The following MEGF10 variants were observed in gnomAD, a reference collection of about 807,000 sequenced individuals.
The protein encoded by MEGF10 is multiple epidermal growth factor-like domains protein 10.
MEGF10 carries 86 observed loss-of-function variants against 147.5 expected under a neutral mutation model. The ratio of observed to expected loss-of-function variants is 0.58; its 90% confidence interval spans 0.49 to 0.70. MEGF10 has a LOEUF of 0.70. Ranked by LOEUF, MEGF10 falls within the 30% of genes least tolerant of loss-of-function variation. MEGF10 has a pLI of 0.00. For synonymous variants in MEGF10, 478 were observed against 525.5 expected (o/e 0.91, Z 1.24); for missense variants, 1,329 against 1,487.3 (o/e 0.89, Z 1.75).
intron 1 of MEGF10, 55 bp downstream of exon 1, chr5:127,291,111 G>C (rs948515212): frequency 6.6e-6 from 1 of 152,240 alleles, no homozygotes; most frequent in Non-Finnish European, 1.5e-5. Context: ...CCGGACGCCG[G>C]AAGGCTTCTC....
chr5:127,286,381 C>T (rs891170787), upstream of MEGF10, among the ~76,000 whole-genome samples: 1 of 152,018 alleles, frequency 6.6e-6, no homozygotes. Context: ...CCCCTTGTAA[C>T]ATACTCTATG....
At chr5:127,325,654 G>A (rs150108074) in intron 1 of MEGF10, among the ~76,000 whole-genome samples, 66 of 151,946 alleles carry the variant, frequency 4.3e-4, no homozygotes, top group African/African-American at 1.5e-3. Flanking sequence ...GAGCTCCTTC[G>A]GGATAGCTCA....
At chr5:127,318,209 G>A (rs1353962099) in intron 1 of MEGF10, among the ~76,000 whole-genome samples, 2 of 152,124 alleles carry the variant, frequency 1.3e-5, no homozygotes, top group Non-Finnish European at 2.9e-5. Context: ...CACTGAATCT[G>A]CCAGCGCCTT....
At chr5:127,248,912 AT>A in the MEGF10 span, among the ~76,000 whole-genome samples, 4 of 150,858 alleles carry the variant, frequency 2.7e-5, no homozygotes, top group African/African-American at 9.8e-5. Context: ...AAAAAAAAAA[AT>A]TTAAATTAAT....
At chr5:127,359,223 G>A (rs549805793) in intron 4 of MEGF10, among the ~76,000 whole-genome samples, 10 of 152,092 alleles carry the variant, frequency 6.6e-5, no homozygotes, top group African/African-American at 2.4e-4. Flanking sequence ...CTCCAGTGAT[G>A]ACAGACTCTT....
chr5:127,390,860 C>T (rs532460655), intron 5 of MEGF10, among the ~76,000 whole-genome samples: 72 of 152,146 alleles, frequency 4.7e-4, no homozygotes, highest in Admixed American at 1.2e-3. Flanking sequence ...CTGTGCTTCA[C>T]CCCTTGCTAC....
At chr5:127,395,188 T>C (rs1763855369) in intron 5 of MEGF10, among the ~76,000 whole-genome samples, 1 of 152,162 alleles carries the variant, frequency 6.6e-6, no homozygotes, top group Admixed American at 6.5e-5. Context: ...ATACTAAGAG[T>C]AGATTTTGTT....
At chr5:127,341,529 C>T (rs115305616) in intron 4 of MEGF10, among the ~76,000 whole-genome samples, 292 of 152,220 alleles carry the variant, frequency 1.9e-3, no homozygotes, top group African/African-American at 6.5e-3. Context: ...ACCATTTATA[C>T]GTCTTGGAGG....
In MEGF10 at chr5:127,358,658, A is replaced by T. The variant is rs75378044; in HGVS notation, c.320-11252A>T. ...GCTGGTAAATAATTTGTCCCAAATGAAGGTACCTTCCTTCTGATTTCTTCC... is the reference window on the plus strand; with the variant it reads ...GCTGGTAAATAATTTGTCCCAAATGTAGGTACCTTCCTTCTGATTTCTTCC... On this transcript the variant is annotated intron_variant, in intron 4 of 24. Transcript: ENST00000503335. Among the ~76,000 whole-genome samples, 958 of 152,258 alleles carry T rather than the reference A, an allele frequency of 6.3e-3. 12 individuals carry two copies. Among genetic ancestry groups the T allele is most frequent in the African/African-American group, 0.022 (921 of 41,556 alleles).
chr5:127,303,353 A>G (rs925065391), intron 1 of MEGF10, among the ~76,000 whole-genome samples: 1 of 151,874 alleles, frequency 6.6e-6, no homozygotes, highest in South Asian at 2.1e-4. Context: ...AAAAAAAAAA[A>G]AAGCAATAAG....
intron 8 of MEGF10, among the ~76,000 whole-genome samples, chr5:127,403,199 G>T (rs552560953): frequency 2.4e-4 from 36 of 152,276 alleles, no homozygotes; most frequent in South Asian, 1.7e-3. Context: ...GCTCATGCGG[G>T]TCTTACTGCC....
chr5:127,245,953 C>T, the MEGF10 span, among the ~76,000 whole-genome samples: 5 of 152,130 alleles, frequency 3.3e-5, no homozygotes, highest in African/African-American at 1.2e-4. Context: ...AGTTAGGAAA[C>T]AACAGATGCT....
At chr5:127,260,091 A>T in the MEGF10 span, among the ~76,000 whole-genome samples, 2 of 152,136 alleles carry the variant, frequency 1.3e-5, no homozygotes, top group African/African-American at 4.8e-5. Context: ...TGGGAGGCAG[A>T]GGTTGCAGTG....
chr5:127,365,944 T>C (rs1289572263), intron 4 of MEGF10, among the ~76,000 whole-genome samples: 1 of 152,232 alleles, frequency 6.6e-6, no homozygotes, highest in East Asian at 1.9e-4. Flanking sequence ...TTTATATCTC[T>C]GCTACTGAAC....
rs372767788 is a variant in MEGF10 at position 127,457,249 on chromosome 5, C to G, written c.3354C>G (p.Asp1118Glu). The change falls in exon 25 of 25, where the codon GAC (aspartate) becomes GAG (glutamate). Residue 1118 changes from aspartate to glutamate, a missense_variant. Transcript: ENST00000503335. ...ATTATGACCTGCTGCCAGTCCGAGACAGTTCATCCTCCCCTAAGCAAGAGG... is the reference window on the plus strand; with the variant it reads ...ATTATGACCTGCTGCCAGTCCGAGAGAGTTCATCCTCCCCTAAGCAAGAGG... ...PCHYDLLPVRDSSSSPKQEDS... is the reference protein window; with the variant it reads ...PCHYDLLPVRESSSSPKQEDS... 618 of 1,614,152 alleles carry G rather than the reference C, an allele frequency of 3.8e-4. 2 individuals carry two copies. In the South Asian group the frequency reaches 6.3e-3, roughly 16 times the overall value.
chr5:127,322,495 C>G (rs933783825), intron 1 of MEGF10, among the ~76,000 whole-genome samples: 1 of 152,164 alleles, frequency 6.6e-6, no homozygotes, highest in African/African-American at 2.4e-5. Context: ...GTTGTAAGTG[C>G]TTTCTGAATG....
At chr5:127,265,683 T>C in the MEGF10 span, among the ~76,000 whole-genome samples, 3 of 152,218 alleles carry the variant, frequency 2.0e-5, no homozygotes, top group East Asian at 3.8e-4. Context: ...GTGATGAGCA[T>C]TTTTTCATGT....
intron 1 of MEGF10, among the ~76,000 whole-genome samples, chr5:127,321,433 GTGTGTGTGCGTGTTCATGCA>G (rs1274801229): frequency 1.3e-5 from 2 of 152,164 alleles, no homozygotes; most frequent in Non-Finnish European, 2.9e-5. Context: ...GTGTGTATGT[GTGTGTGTGCGTGTTCATGCA>G]TGTGTGTGCT....
intron 8 of MEGF10, among the ~76,000 whole-genome samples, chr5:127,406,532 T>C (rs976074430): frequency 6.6e-6 from 1 of 152,210 alleles, no homozygotes; most frequent in African/African-American, 2.4e-5. Flanking sequence ...GGCTGGGGTC[T>C]TAATTTGCCA....
Sources: gnomAD v4.1 joint callset for allele counts (sites outside exome capture counted in the v4.1 genomes callset) on GRCh38, gnomAD v4.1.1 for gene constraint, MANE v1.5 for transcripts, NCBI Gene and HGNC (gene_info 2026-07-23, HGNC 2026-07-21) for gene names.